Variants in DIP2C observed in about 807,000 individuals in gnomAD.
DIP2C encodes the protein DIP2 acetate--CoA ligase C (putative).
In DIP2C, 33 loss-of-function variants were observed where a neutral mutation model predicts 192.4. That is an observed-to-expected ratio of 0.17 (90% confidence interval 0.13 to 0.23). The LOEUF is 0.23. Among genes scored for constraint, DIP2C ranks in the 10% least tolerant of loss-of-function variants. The probability of loss-of-function intolerance (pLI) is 1.00; values close to 1 mark genes in which losing one functional copy is unlikely to be tolerated. For missense variants in DIP2C, 1,537 were observed against 2,110.1 expected (o/e 0.73, Z 5.32); for synonymous variants, 979 against 864.1 (o/e 1.13, Z -2.33).
rs1307669101 is a variant in DIP2C at position 666,503 on chromosome 10, G to T, written c.85+22991C>A. ...AGATCCTGTGGCCTGAGTCGGGGCC[G>T]GGGAAACCAAGCCTGCAGGACTCCG... On this transcript the variant is annotated intron_variant, in intron 1 of 36. Coordinates refer to ENST00000280886, the MANE Select transcript of DIP2C (RefSeq NM_014974.3). This position sits in a 1 kb window ranked among gnomAD's most constrained non-coding sequence, Gnocchi z 4.1. The T allele has an allele frequency of 6.6e-6, 1 of 152,304 alleles. No individual in the cohort carries two copies. Among genetic ancestry groups the T allele is most frequent in the East Asian group, 1.9e-4 (1 of 5,198 alleles). The allele number at this position is 152,304 out of a possible 1,614,324, so 9.4% of individuals were successfully genotyped here.
At chr10:473,950 G>T (rs1054685774) in intron 2 of DIP2C, among the ~76,000 whole-genome samples, 1 of 152,162 alleles carries the variant, frequency 6.6e-6, no homozygotes, top group Non-Finnish European at 1.5e-5. Context: ...TCAGAACTAA[G>T]TTAAGCATGG....
At position 636,624 on chromosome 10, in the gene DIP2C, G is replaced by A. The variant is rs938402101; in HGVS notation, c.85+52870C>T. On this transcript the variant is annotated intron_variant, in intron 1 of 36. Coordinates refer to ENST00000280886, the MANE Select transcript of DIP2C (RefSeq NM_014974.3). The surrounding 1 kb of genome is among the most constrained non-coding windows in gnomAD (Gnocchi z 4.6). ...TATATTCAATAAGCACAATTCTCCC[G>A]AAAACGTCTTTTCTATCTGGGCCAC... Among the ~76,000 whole-genome samples the A allele has an allele frequency of 2.6e-5, 4 of 152,140 alleles. No homozygotes were observed. Among genetic ancestry groups the A allele is most frequent in the Admixed American group, 6.5e-5 (1 of 15,284 alleles).
intron 1 of DIP2C, among the ~76,000 whole-genome samples, chr10:604,396 G>A (rs1852321307): frequency 6.6e-6 from 1 of 152,170 alleles, no homozygotes; most frequent in African/African-American, 2.4e-5. Flanking sequence ...AAGACGAGTG[G>A]ACCCTAGATG....
chr10:323,817 C>A (rs952022990), intron 31 of DIP2C, among the ~76,000 whole-genome samples: 4 of 152,182 alleles, frequency 2.6e-5, no homozygotes, highest in Non-Finnish European at 5.9e-5. Flanking sequence ...GTGGTCCGTA[C>A]ATTTAATGTA....
intron 1 of DIP2C, among the ~76,000 whole-genome samples, chr10:511,931 T>C (rs1846038358): frequency 6.6e-6 from 1 of 152,254 alleles, no homozygotes. Context: ...CTCCAGCTGC[T>C]GCTGCCTGGC....
chr10:581,975 T>C (rs1046915951), intron 1 of DIP2C, among the ~76,000 whole-genome samples: 3 of 152,052 alleles, frequency 2.0e-5, no homozygotes, highest in East Asian at 1.9e-4. Context: ...AGGTCAGGCA[T>C]TGGATCCTCA....
At chr10:670,950 C>T (rs900654918) in intron 1 of DIP2C, among the ~76,000 whole-genome samples, 1 of 152,228 alleles carries the variant, frequency 6.6e-6, no homozygotes, top group Non-Finnish European at 1.5e-5. Flanking sequence ...GAAACCAGGT[C>T]TCATTTCAAA....
intron 1 of DIP2C, among the ~76,000 whole-genome samples, chr10:593,080 G>A (rs537105574): frequency 1.5e-4 from 23 of 152,084 alleles, no homozygotes; most frequent in African/African-American, 3.9e-4. Flanking sequence ...AGTAGTGGCC[G>A]GGAACGGTGG....
intron 24 of DIP2C, among the ~76,000 whole-genome samples, chr10:353,058 C>T (rs552297858): frequency 5.3e-5 from 8 of 152,270 alleles, no homozygotes; most frequent in East Asian, 1.9e-4. Flanking sequence ...CTGGGGTTTC[C>T]GTCCTGAAAC....
chr10:654,875 CTACGA>C (rs1231580259), intron 1 of DIP2C, among the ~76,000 whole-genome samples: 1 of 152,216 alleles, frequency 6.6e-6, no homozygotes, highest in African/African-American at 2.4e-5. Flanking sequence ...ATTCCATTCT[CTACGA>C]TACAATATTA....
At chr10:629,142 T>G (rs530773829) in intron 1 of DIP2C, among the ~76,000 whole-genome samples, 2 of 152,192 alleles carry the variant, frequency 1.3e-5, no homozygotes, top group South Asian at 4.1e-4. Flanking sequence ...ATGTGACAGT[T>G]GGTGGGAGCA....
chr10:387,734 A>T lies in DIP2C; in HGVS notation c.1662+11T>A. On this transcript the variant is annotated intron_variant, in intron 14 of 36. Transcript: ENST00000280886. Reference sequence around the variant, plus strand: ...TTTGTGGACAGACACGGCCGGGGGGACCTCACTTACTGTCAGGATGCCATG... The same window carrying T: ...TTTGTGGACAGACACGGCCGGGGGGTCCTCACTTACTGTCAGGATGCCATG... 2 of 1,613,240 alleles carry T rather than the reference A, an allele frequency of 1.2e-6. No homozygotes were observed. The highest frequency in any genetic ancestry group is 1.3e-5 in the African/African-American group (1 of 74,740).
chr10:618,351 AAC>A (rs1214880509), intron 1 of DIP2C, among the ~76,000 whole-genome samples: 26 of 152,328 alleles, frequency 1.7e-4, no homozygotes, highest in African/African-American at 5.8e-4. Context: ...TATCTGCTGA[AAC>A]ACAACCAAGC....
intron 1 of DIP2C, among the ~76,000 whole-genome samples, chr10:571,443 CCT>C (rs377138646): frequency 7.9e-5 from 12 of 151,486 alleles, no homozygotes; most frequent in Middle Eastern, 3.4e-3. Context: ...TGCCCACTGC[CCT>C]CTCTCTTCCT....
At chr10:659,219 A>C (rs989598847) in intron 1 of DIP2C, among the ~76,000 whole-genome samples, 5 of 152,200 alleles carry the variant, frequency 3.3e-5, no homozygotes, top group African/African-American at 1.2e-4. Flanking sequence ...GCATACTTGC[A>C]CATGTGTGCG....
intron 16 of DIP2C, among the ~76,000 whole-genome samples, chr10:383,608 A>C (rs1433572458): frequency 6.6e-6 from 1 of 152,222 alleles, no homozygotes; most frequent in Non-Finnish European, 1.5e-5. Context: ...ATACACCAAA[A>C]AGTACTAGCA....
At position 466,479 on chromosome 10, in the gene DIP2C, G is replaced by A. The variant is rs998980353; in HGVS notation, c.268+5960C>T. ...ATTACCATTCAGGACATAGGCGTGG[G>A]CAAGGACTTCATGTCCAAAACACCA... On this transcript the variant is annotated intron_variant, in intron 3 of 36. Transcript: ENST00000280886. Among the ~76,000 whole-genome samples the A allele has an allele frequency of 2.1e-5, 3 of 139,858 alleles. No homozygotes were observed. The Admixed American group carries it at 2.3e-4, about 10-fold the overall frequency. 91.8% of individuals were successfully genotyped at this position (139,858 alleles called of 152,430 possible).
intron 1 of DIP2C, among the ~76,000 whole-genome samples, chr10:538,883 A>G (rs912374063): frequency 3.9e-5 from 6 of 152,266 alleles, no homozygotes; most frequent in African/African-American, 1.4e-4. Context: ...TTAAATGTAC[A>G]TGACTACTAA....
intron 1 of DIP2C, among the ~76,000 whole-genome samples, chr10:680,500 A>G (rs1489071229): frequency 6.6e-6 from 1 of 151,742 alleles, no homozygotes; most frequent in Non-Finnish European, 1.5e-5. Flanking sequence ...AGCACAACAA[A>G]CAACCTGCTT....
Sources: allele counts gnomAD v4.1 joint callset (sites outside exome capture counted in the v4.1 genomes callset), GRCh38; gene constraint gnomAD v4.1.1; non-coding constraint Gnocchi (gnomAD v3.1); transcripts MANE v1.5; gene names NCBI Gene and HGNC (gene_info 2026-07-23, HGNC 2026-07-21).